Variants in VAV3 observed in about 807,000 individuals in gnomAD.
The protein encoded by VAV3 is vav guanine nucleotide exchange factor 3, also known as guanine nucleotide exchange factor VAV3.
Under a neutral mutation model 131.2 loss-of-function variants are expected in VAV3, and 94 were observed. The observed-to-expected ratio is 0.72, with a 90% confidence interval of 0.61 to 0.85. VAV3 has a LOEUF of 0.85. Among genes scored for constraint, VAV3 ranks in the 40% least tolerant of loss-of-function variants. The probability of loss-of-function intolerance (pLI) is 0.00; values close to 1 mark genes in which losing one functional copy is unlikely to be tolerated. For synonymous variants in VAV3, 349 were observed against 342.0 expected, an observed-to-expected ratio of 1.02 and a Z score of -0.22; for missense variants, 939 against 1,002.7, an observed-to-expected ratio of 0.94 and a Z score of 0.86.
intron 21 of VAV3, among the ~76,000 whole-genome samples, chr1:107,610,705 C>T (rs1019879385): frequency 1.3e-5 from 2 of 152,008 alleles, no homozygotes; most frequent in Admixed American, 6.6e-5. Flanking sequence ...CTTGTAGCTG[C>T]TAATGGTCAA....
At chr1:107,955,724 C>CTT (rs5776910) in intron 1 of VAV3, among the ~76,000 whole-genome samples, 17,707 of 152,048 alleles carry the variant, frequency 0.12, 1,971 homozygotes, top group African/African-American at 0.29. Context: ...ACAGCATAGT[C>CTT]TTCAAGAAAC....
rs377076125 is a variant in VAV3, at chr1:107,757,276, A to G, written c.1071T>C (p.Ala357=). 1.3e-4 allele frequency: 205 copies of G among 1,613,318 alleles called. No individual in the cohort carries two copies. The highest frequency in any genetic ancestry group is 1.6e-4 in the Non-Finnish European group (186 of 1,179,784). Residue 357 remains alanine (A), a synonymous_variant, in exon 11 of 27, where the codon GCT becomes GCC. Coordinates refer to ENST00000370056, the MANE Select transcript of VAV3 (RefSeq NM_006113.5). The part of the protein sequence containing the change: ...DPTEKANLKL[A]LDAMKDLAQY... ...TCTGCCCTACCTTCATGGCATCAAG[A>G]GCCAGTTTCAGATTTGCCTTCTCAG... is the stretch of plus-strand genomic sequence containing the variant.
Position 107,757,277 on chromosome 1 carries a change from G to C in VAV3, c.1070C>G (p.Ala357Gly). 1.2e-6 allele frequency: 2 copies of C among 1,613,280 alleles called. No homozygotes were observed. The highest frequency in any genetic ancestry group is 2.2e-5 in the East Asian group (1 of 44,842). The change falls in exon 11 of 27, where the codon GCT becomes GGT. Residue 357 changes from alanine (A) to glycine (G), a missense_variant. Transcript: ENST00000370056. The stretch of plus-strand genomic sequence containing the variant: ...CTGCCCTACCTTCATGGCATCAAGA[G>C]CCAGTTTCAGATTTGCCTTCTCAGT... ...DPTEKANLKLALDAMKDLAQY... is the reference protein window; with the variant it reads ...DPTEKANLKLGLDAMKDLAQY...
intron 17 of VAV3, among the ~76,000 whole-genome samples, chr1:107,701,203 G>A (rs1212739154): frequency 6.6e-6 from 1 of 152,108 alleles, no homozygotes; most frequent in East Asian, 1.9e-4. Flanking sequence ...CTGGTTATTA[G>A]ATCTTTGTTA....
chr1:107,637,682 G>A (rs1410013578), intron 20 of VAV3, among the ~76,000 whole-genome samples: 2 of 152,070 alleles, frequency 1.3e-5, no homozygotes, highest in Non-Finnish European at 2.9e-5. Flanking sequence ...GGAAACTCTA[G>A]GCCTAGATAG....
At chr1:107,921,181 C>G (rs1460771198) in intron 1 of VAV3, among the ~76,000 whole-genome samples, 2 of 152,206 alleles carry the variant, frequency 1.3e-5, no homozygotes, top group Non-Finnish European at 2.9e-5. Context: ...TCCGCTCTCT[C>G]ATCGCTTGCT....
intron 2 of VAV3, among the ~76,000 whole-genome samples, chr1:107,817,138 A>C (rs1667594105): frequency 6.6e-6 from 1 of 152,230 alleles, no homozygotes; most frequent in Admixed American, 6.5e-5. Flanking sequence ...CTTACTGGGG[A>C]AAGACACATA....
intron 21 of VAV3, 143 bp from the exon 22 acceptor site, chr1:107,610,108 G>A: frequency 1.6e-6 from 1 of 611,428 alleles, no homozygotes; most frequent in Non-Finnish European, 2.9e-6. Flanking sequence ...ATTTTATACA[G>A]AGTGAATCAT....
At chr1:107,777,393 T>C (rs946693022) in intron 3 of VAV3, 97 bp from the exon 4 acceptor site, 2 of 1,085,576 alleles carry the variant, frequency 1.8e-6, no homozygotes, top group African/African-American at 3.1e-5. Flanking sequence ...ATATGTAAGT[T>C]GTCTGCTGCC....
At chr1:107,782,584 G>T (rs1308466309) in intron 2 of VAV3, among the ~76,000 whole-genome samples, 2 of 152,180 alleles carry the variant, frequency 1.3e-5, no homozygotes, top group Non-Finnish European at 2.9e-5. Context: ...TGGAAAGACA[G>T]CATGCAGTGT....
intron 21 of VAV3, among the ~76,000 whole-genome samples, chr1:107,612,251 T>C (rs1652809597): frequency 6.6e-6 from 1 of 151,774 alleles, no homozygotes; most frequent in Non-Finnish European, 1.5e-5. Context: ...GTATACCTTA[T>C]GAAGCTAGAT....
chr1:107,867,553 G>A (rs2101000528), intron 2 of VAV3, among the ~76,000 whole-genome samples: 1 of 152,270 alleles, frequency 6.6e-6, no homozygotes, highest in South Asian at 2.1e-4. Context: ...GCTAGAAGCT[G>A]TTCCCTCCTC....
rs71796067 is a variant in VAV3 at position 107,964,919 on chromosome 1, G to GGCCGCC, written c.-56_-51dup. On this transcript the variant is annotated 5_prime_UTR_variant, in exon 1 of 27. Coordinates refer to ENST00000370056, the MANE Select transcript of VAV3 (RefSeq NM_006113.5). ...GGGCCGGGGCGGGCGGCAAGGATGC[G>GGCCGCC]GCCGCCGCCGCCGCCGCCGCGGTTC... 1.3e-5 allele frequency: 15 copies of GGCCGCC among 1,170,530 alleles called. No individual in the cohort carries two copies. Among genetic ancestry groups the GGCCGCC allele is most frequent in the South Asian group, 4.1e-5 (1 of 24,110 alleles). The allele number at this position is 1,170,530 out of a possible 1,614,324, so 72.5% of individuals were successfully genotyped here. A position where few individuals can be genotyped will look rare whatever the true frequency, so the allele number is the denominator to read the frequency against.
intron 15 of VAV3, among the ~76,000 whole-genome samples, chr1:107,715,064 T>C (rs149148790): frequency 1.1e-3 from 174 of 152,276 alleles, no homozygotes; most frequent in African/African-American, 3.9e-3. Flanking sequence ...TTATGTTTAT[T>C]ACAAAATTAA....
chr1:107,765,665 G>A (rs760694368), intron 8 of VAV3, among the ~76,000 whole-genome samples: 7 of 152,104 alleles, frequency 4.6e-5, no homozygotes, highest in African/African-American at 9.7e-5. Context: ...AGAGGAAAAC[G>A]AGAGACCTGA....
chr1:107,796,320 A>G (rs919725768), intron 2 of VAV3, among the ~76,000 whole-genome samples: 5 of 151,990 alleles, frequency 3.3e-5, no homozygotes, highest in Admixed American at 6.6e-5. Flanking sequence ...ACTCTACCCA[A>G]CCAAGCTGCC....
At chr1:107,686,656 C>T (rs1231765621) in intron 18 of VAV3, among the ~76,000 whole-genome samples, 1 of 152,076 alleles carries the variant, frequency 6.6e-6, no homozygotes, top group Non-Finnish European at 1.5e-5. Context: ...ATTTTTAGTA[C>T]AGTCACACAG....
intron 1 of VAV3, among the ~76,000 whole-genome samples, chr1:107,885,001 T>C (rs1034403267): frequency 4.6e-5 from 7 of 152,120 alleles, no homozygotes; most frequent in Admixed American, 2.0e-4. Flanking sequence ...GTGGTAATAA[T>C]TGGAATAGCA....
chr1:107,671,304 G>A (rs887116428), intron 19 of VAV3, among the ~76,000 whole-genome samples: 3 of 152,194 alleles, frequency 2.0e-5, no homozygotes, highest in Non-Finnish European at 2.9e-5. Flanking sequence ...AGCACGTTCT[G>A]TGAACAGATC....
Sources: allele counts gnomAD v4.1 joint callset (sites outside exome capture counted in the v4.1 genomes callset), GRCh38; gene constraint gnomAD v4.1.1; transcripts MANE v1.5; gene names NCBI Gene and HGNC (gene_info 2026-07-23, HGNC 2026-07-21).